The following PAGE2B variants were observed in gnomAD, a reference collection of about 807,000 sequenced individuals.
The protein encoded by PAGE2B is putative G antigen family E member 3.
A neutral mutation model predicts 7.6 loss-of-function variants in PAGE2B; 5 were observed. The ratio of observed to expected loss-of-function variants is 0.66; its 90% CI spans 0.34 to 1.38. The LOEUF (loss-of-function observed/expected upper bound fraction) is 1.38, where lower values mean the gene tolerates loss of function less well. Among genes scored for constraint, PAGE2B ranks in the 40% most tolerant of loss-of-function variants. The pLI, the probability that PAGE2B is intolerant of heterozygous loss-of-function variation, is 0.04. For synonymous variants in PAGE2B, 29 were observed against 26.7 expected (o/e 1.09, Z -0.27); for missense variants, 70 against 78.4 (o/e 0.89, Z 0.41).
intron 1 of PAGE2B, among the ~76,000 whole-genome samples, 157 bp downstream of exon 1, chrX:55,075,271 G>C (rs767677665): frequency 8.9e-6 from 1 of 111,850 alleles, no homozygotes; most frequent in Non-Finnish European, 1.9e-5. Flanking sequence ...GGATGCCACC[G>C]TGGGACTTGT....
At chrX:55,071,552 T>C (rs1936449282), upstream of PAGE2B, among the ~76,000 whole-genome samples, 1 of 111,471 alleles carries the variant, frequency 9.0e-6, no homozygotes, top group Non-Finnish European at 1.9e-5. Context: ...TCGAGGAGTA[T>C]CTTTGTGGTG....
the PAGE2B span, among the ~76,000 whole-genome samples, chrX:55,043,141 A>G: frequency 9.0e-6 from 1 of 111,633 alleles, no homozygotes; most frequent in Admixed American, 9.6e-5. Flanking sequence ...GGCGAGCCAC[A>G]TGTAGGAGAA....
At chrX:55,065,673 T>A in the PAGE2B span, among the ~76,000 whole-genome samples, 7,646 of 111,573 alleles carry the variant, frequency 0.069, 610 homozygotes, top group African/African-American at 0.23. Context: ...TGTGGTGGTA[T>A]GCTTTAATTT....
the PAGE2B span, among the ~76,000 whole-genome samples, chrX:55,057,186 C>G: frequency 2.2e-3 from 247 of 110,728 alleles, 2 homozygotes; most frequent in African/African-American, 7.6e-3. Flanking sequence ...CATTTTCTGG[C>G]CCTTCCTCCC....
upstream of PAGE2B, among the ~76,000 whole-genome samples, chrX:55,070,522 G>A (rs1423750577): frequency 9.0e-6 from 1 of 111,651 alleles, no homozygotes; most frequent in African/African-American, 3.3e-5. Flanking sequence ...GATTTGGGGT[G>A]GAGAGTTCTG....
the PAGE2B span, among the ~76,000 whole-genome samples, chrX:55,058,710 T>A: frequency 1.8e-5 from 2 of 111,493 alleles, no homozygotes; most frequent in East Asian, 5.6e-4. Context: ...GTAGATACTA[T>A]TACTATCTTG....
the PAGE2B span, among the ~76,000 whole-genome samples, chrX:55,068,197 G>T: frequency 2.4e-4 from 27 of 112,207 alleles, no homozygotes; most frequent in African/African-American, 8.7e-4. Flanking sequence ...TAGATCTTAC[G>T]TTTAAGTCTT....
At chrX:55,031,385 G>A in the PAGE2B span, among the ~76,000 whole-genome samples, 28 of 111,670 alleles carry the variant, frequency 2.5e-4, no homozygotes, top group Middle Eastern at 4.6e-3. Flanking sequence ...CAAACAGTCA[G>A]CTTCCACAGA....
the PAGE2B span, among the ~76,000 whole-genome samples, chrX:55,063,708 T>G: frequency 8.9e-6 from 1 of 111,732 alleles, no homozygotes. Context: ...TATATAGTTT[T>G]ATTATCTTGT....
At chrX:55,046,788 G>A in the PAGE2B span, among the ~76,000 whole-genome samples, 1 of 112,052 alleles carries the variant, frequency 8.9e-6, no homozygotes, top group African/African-American at 3.2e-5. Flanking sequence ...CATCCAGTGG[G>A]GAGGATGCAG....
the PAGE2B span, chrX:55,031,102 T>G: frequency 3.6e-6 from 1 of 278,913 alleles, no homozygotes; most frequent in Non-Finnish European, 7.1e-6. Context: ...TTGCTAGAGA[T>G]AAAACCCAAA....
the PAGE2B span, among the ~76,000 whole-genome samples, chrX:55,043,523 C>A: frequency 9.0e-6 from 1 of 110,645 alleles, no homozygotes; most frequent in Non-Finnish European, 1.9e-5. Context: ...AAAGTATTGT[C>A]CATAAATAGA....
the PAGE2B span, among the ~76,000 whole-genome samples, chrX:55,064,089 A>G: frequency 8.1e-5 from 9 of 111,219 alleles, no homozygotes; most frequent in Non-Finnish European, 1.5e-4. Flanking sequence ...GTTTAGAAGT[A>G]TTCTCTCCTC....
the PAGE2B span, among the ~76,000 whole-genome samples, chrX:55,036,965 C>T: frequency 9.1e-6 from 1 of 110,456 alleles, no homozygotes; most frequent in Admixed American, 9.6e-5. Flanking sequence ...AAAACCTAGG[C>T]AATACCATTC....
At chrX:55,068,256 C>T in the PAGE2B span, among the ~76,000 whole-genome samples, 453 of 110,175 alleles carry the variant, frequency 4.1e-3, 1 homozygote, top group South Asian at 0.012. Flanking sequence ...CCAGTTTCAG[C>T]GGCTAGCCAG....
At chrX:55,062,133 G>C in the PAGE2B span, among the ~76,000 whole-genome samples, 2 of 111,224 alleles carry the variant, frequency 1.8e-5, no homozygotes, top group African/African-American at 6.5e-5. Context: ...TTGTTGGATC[G>C]TATGGTAGCT....
At chrX:55,064,612 C>G in the PAGE2B span, among the ~76,000 whole-genome samples, 1 of 109,087 alleles carries the variant, frequency 9.2e-6, no homozygotes, top group East Asian at 2.8e-4. Context: ...TCTTGCTTTT[C>G]TAGTACTTTT....
At chrX:55,075,508 C>T (rs73490470) in intron 1 of PAGE2B, among the ~76,000 whole-genome samples, 9,314 of 110,628 alleles carry the variant, frequency 0.084, 915 homozygotes, top group African/African-American at 0.28. Flanking sequence ...CGCTGTGGGC[C>T]GGTGACTGTG....
In PAGE2B at chrX:55,076,193, G is replaced by T. The variant is rs137891929; in HGVS notation, c.84+68G>T. ...TTTTAAGAAATATTTTTGAGCTAGT[G>T]TACACGCACTGATACAGGTGTTCCA... On this transcript the variant is annotated intron_variant, in intron 2 of 4. Transcript: ENST00000374971. The T allele has an allele frequency of 8.3e-4, 901 of 1,082,575 alleles. 6 individuals are homozygous for T. The African/African-American group carries it at 0.014, about 17-fold the overall frequency. 89.2% of individuals were successfully genotyped at this position (1,082,575 alleles called of 1,213,427 possible).
Sources: gnomAD v4.1 joint callset for allele counts (sites outside exome capture counted in the v4.1 genomes callset) on GRCh38, gnomAD v4.1.1 for gene constraint, MANE v1.5 for transcripts, NCBI Gene and HGNC (gene_info 2026-07-23, HGNC 2026-07-21) for gene names.